The following ARHGAP39 variants were observed in gnomAD, a reference collection of about 807,000 sequenced individuals.
The protein encoded by ARHGAP39 is Rho GTPase activating protein 39, also known as rho GTPase-activating protein 39.
A neutral mutation model predicts 106.9 loss-of-function variants in ARHGAP39; 44 were observed. That is an observed-to-expected ratio of 0.41 (90% CI 0.32 to 0.53). The LOEUF (loss-of-function observed/expected upper bound fraction) is 0.53. Among genes scored for constraint, ARHGAP39 ranks in the 20% least tolerant of loss-of-function variants. The pLI, the probability that ARHGAP39 is intolerant of heterozygous loss-of-function variation, is 0.21. For synonymous variants in ARHGAP39, 768 were observed against 693.2 expected, an observed-to-expected ratio of 1.11 and a Z score of -1.69; for missense variants, 1,496 against 1,577.3, an observed-to-expected ratio of 0.95 and a Z score of 0.87.
chr8:144,690,645 CT>C (rs869059788), upstream of ARHGAP39, among the ~76,000 whole-genome samples: 175 of 142,580 alleles, frequency 1.2e-3, no homozygotes, highest in Middle Eastern at 0.011. Context: ...TTTTGCCTGC[CT>C]TTTTTTTTTT....
rs752035274 is a variant in ARHGAP39, at chr8:144,547,441, C to T, written c.1645G>A (p.Ala549Thr). ...GCCTGCGCCAGGAAGGGCTCGGCCG[C>T]GCCCCGCGCCCCTTCGGCCTCACCT... ...AEGEAEGARG[A>T]AEPFLAQARL... The change falls in exon 5 of 12, where the codon GCG becomes ACG. Residue 549 changes from alanine (A) to threonine (T), a missense_variant. By Grantham distance (58) the Ala-to-Thr change is moderately conservative (BLOSUM62 0). Transcript: ENST00000377307. The surrounding 1 kb of genome is among the most constrained non-coding windows in gnomAD (Gnocchi z 5.2). 68 of 1,572,990 alleles carry T rather than the reference C, an allele frequency of 4.3e-5. No homozygotes were observed. Among genetic ancestry groups the T allele is most frequent in the Non-Finnish European group, 5.7e-5 (66 of 1,166,604 alleles).
At chr8:144,616,490 G>A (rs1820640368) in intron 1 of ARHGAP39, among the ~76,000 whole-genome samples, 1 of 152,220 alleles carries the variant, frequency 6.6e-6, no homozygotes, top group Non-Finnish European at 1.5e-5. Context: ...TGTGTCCTAG[G>A]AGGCCGCCTG....
chr8:144,632,037 C>T (rs954467144), intron 1 of ARHGAP39, among the ~76,000 whole-genome samples: 1 of 152,188 alleles, frequency 6.6e-6, no homozygotes. Context: ...GCCCCCTTGC[C>T]ACCGCCCTGC....
rs1303955268 is a variant in ARHGAP39 at position 144,557,236 on chromosome 8, AGAG to A, written c.513-1596_513-1594del. Among the ~76,000 whole-genome samples, 26 of 148,384 alleles carry A rather than the reference AGAG, an allele frequency of 1.8e-4. 5 individuals carry two copies. Among genetic ancestry groups the A allele is most frequent in the African/African-American group, 4.5e-4 (17 of 37,998 alleles). The stretch of plus-strand genomic sequence containing the variant: ...CAAAGGCTGAACCTTCGTAGTATTC[AGAG>A]GCAAAGGCTGAACCTTCGTAGTATT... On this transcript the variant is annotated intron_variant, in intron 3 of 11. Transcript: ENST00000377307.
At chr8:144,587,927 GC>G (rs951248299) in intron 2 of ARHGAP39, among the ~76,000 whole-genome samples, 3 of 152,222 alleles carry the variant, frequency 2.0e-5, no homozygotes, top group African/African-American at 7.2e-5. Context: ...ACAGGCGTGA[GC>G]CACCGCGCCC....
chr8:144,616,513 T>C (rs1820641052), intron 1 of ARHGAP39, among the ~76,000 whole-genome samples: 1 of 152,192 alleles, frequency 6.6e-6, no homozygotes, highest in African/African-American at 2.4e-5. Context: ...CAAAGGGTGC[T>C]CAGCTACTCC....
chr8:144,565,632 G>C lies in ARHGAP39; in HGVS notation c.513-9989C>G, dbSNP rs774409486. On this transcript the variant is annotated intron_variant, in intron 3 of 11. Coordinates refer to ENST00000377307, the MANE Select transcript of ARHGAP39 (RefSeq NM_025251.3). ...TGAACCCAGGAGGTAGAGGTGCAGT[G>C]AGCTGAGATTGCACCACTGCACTCC... is the stretch of plus-strand genomic sequence containing the variant. Among the ~76,000 whole-genome samples the C allele has an allele frequency of 6.6e-5, 10 of 152,006 alleles. 1 individual carries two copies. Among genetic ancestry groups the C allele is most frequent in the Admixed American group, 2.0e-4 (3 of 15,270 alleles).
At chr8:144,615,989 G>C (rs113093554) in intron 1 of ARHGAP39, among the ~76,000 whole-genome samples, 70 of 152,386 alleles carry the variant, frequency 4.6e-4, no homozygotes, top group Admixed American at 7.2e-4. Flanking sequence ...GGAGGTCAGG[G>C]CCGGCTTCTT....
At chr8:144,640,717 C>T (rs1821290251) in intron 1 of ARHGAP39, among the ~76,000 whole-genome samples, 1 of 152,176 alleles carries the variant, frequency 6.6e-6, no homozygotes, top group South Asian at 2.1e-4. Flanking sequence ...CGATAAATAC[C>T]CATTAGGTAT....
intron 2 of ARHGAP39, among the ~76,000 whole-genome samples, chr8:144,582,509 A>G (rs550620328): frequency 8.3e-4 from 127 of 152,342 alleles, no homozygotes; most frequent in African/African-American, 2.9e-3. Context: ...TGAGCAGCTG[A>G]GAAACAGGCC....
At chr8:144,601,785 G>GTGTGTGCTAATGTACC (rs1819973274) in intron 2 of ARHGAP39, among the ~76,000 whole-genome samples, 1 of 139,134 alleles carries the variant, frequency 7.2e-6, no homozygotes, top group Non-Finnish European at 1.5e-5. Context: ...GGAGGCATGC[G>GTGTGTGCTAATGTACC]TGTGTGCTAA....
chr8:144,682,618 T>C (rs1822456890), intron 1 of ARHGAP39, among the ~76,000 whole-genome samples: 1 of 151,952 alleles, frequency 6.6e-6, no homozygotes, highest in Non-Finnish European at 1.5e-5. Flanking sequence ...ACACTGCTGG[T>C]GATTCCACCT....
intron 1 of ARHGAP39, among the ~76,000 whole-genome samples, chr8:144,666,782 C>T (rs544828837): frequency 6.6e-6 from 1 of 152,238 alleles, no homozygotes; most frequent in South Asian, 2.1e-4. Flanking sequence ...ATACACATGG[C>T]TAAAGGCGAT....
At chr8:144,596,707 C>T (rs1199845510) in intron 2 of ARHGAP39, among the ~76,000 whole-genome samples, 1 of 152,190 alleles carries the variant, frequency 6.6e-6, no homozygotes, top group Non-Finnish European at 1.5e-5. Flanking sequence ...TGCTGCAGGC[C>T]CCGGGTGGCG....
intron 1 of ARHGAP39, among the ~76,000 whole-genome samples, chr8:144,643,026 A>G (rs1425576577): frequency 1.3e-5 from 2 of 152,138 alleles, no homozygotes; most frequent in African/African-American, 4.8e-5. Context: ...CAAGCAAACA[A>G]AACAACAACA....
intron 1 of ARHGAP39, among the ~76,000 whole-genome samples, chr8:144,626,753 G>C (rs1350463282): frequency 6.6e-6 from 1 of 152,218 alleles, no homozygotes; most frequent in Admixed American, 6.5e-5. Flanking sequence ...TCCTACCGGG[G>C]ACACGCCCGC....
At chr8:144,657,513 A>T (rs531846809) in intron 1 of ARHGAP39, among the ~76,000 whole-genome samples, 1 of 152,318 alleles carries the variant, frequency 6.6e-6, no homozygotes, top group African/African-American at 2.4e-5. Context: ...CTATATGCTG[A>T]TCTCAAAACC....
At chr8:144,690,385 C>T (rs1472644890), upstream of ARHGAP39, among the ~76,000 whole-genome samples, 2 of 152,164 alleles carry the variant, frequency 1.3e-5, no homozygotes, top group South Asian at 2.1e-4. Flanking sequence ...GGATTACAGG[C>T]GTGAGCCACT....
Position 144,548,357 on chromosome 8 carries a change from G to A in ARHGAP39, c.729C>T (p.Arg243=), listed in dbSNP as rs1483644475. Residue 243 remains arginine (R), a synonymous_variant, in exon 5 of 12, where the codon CGC becomes CGT. Coordinates refer to ENST00000377307, the MANE Select transcript of ARHGAP39 (RefSeq NM_025251.3). The surrounding 1 kb of genome is among the most constrained non-coding windows in gnomAD (Gnocchi z 7.4). ...GTGAGTGCTGGCTGCCGGAGGGTCTGCGGGAGCGGACCCCAGGTGGGCCGT... is the reference window on the plus strand; with the variant it reads ...GTGAGTGCTGGCTGCCGGAGGGTCTACGGGAGCGGACCCCAGGTGGGCCGT... ...APDGPPGVRS[R]RPSGSQHSPS... 6.2e-7 allele frequency: 1 copy of A among 1,608,440 alleles called. No individual in the cohort carries two copies. The highest frequency in any genetic ancestry group is 1.3e-5 in the African/African-American group (1 of 74,960).
Sources: gnomAD v4.1 joint callset for allele counts (sites outside exome capture counted in the v4.1 genomes callset) on GRCh38, gnomAD v4.1.1 for gene constraint, Gnocchi (gnomAD v3.1) non-coding constraint, MANE v1.5 for transcripts, NCBI Gene and HGNC (gene_info 2026-07-23, HGNC 2026-07-21) for gene names.